Variants in ABCB11 observed in about 807,000 individuals in gnomAD.
ABCB11 encodes the protein ATP binding cassette subfamily B member 11, also known as bile salt export pump.
A neutral mutation model predicts 148.0 loss-of-function variants in ABCB11; 95 were observed. That is an observed-to-expected ratio of 0.64 (90% CI 0.54 to 0.76). The LOEUF (loss-of-function observed/expected upper bound fraction) is 0.76, where lower values mean the gene tolerates loss of function less well. Ranked by LOEUF, ABCB11 falls within the 30% of genes least tolerant of loss-of-function variation. The probability of loss-of-function intolerance (pLI) is 0.00; values close to 1 mark genes in which losing one functional copy is unlikely to be tolerated. For synonymous variants in ABCB11, 591 were observed against 555.4 expected, an observed-to-expected ratio of 1.06 and a Z score of -0.90; for missense variants, 1,523 against 1,617.8, an observed-to-expected ratio of 0.94 and a Z score of 1.01.
chr2:168,936,494 TAC>T, intron 21 of ABCB11, 61 bp from the exon 22 acceptor site: 1 of 1,519,296 alleles, frequency 6.6e-7, no homozygotes, highest in Admixed American at 1.7e-5. Flanking sequence ...CAATTACCAT[TAC>T]ACAAAAAGGT....
At chr2:168,947,385 T>C (rs984616285) in intron 19 of ABCB11, among the ~76,000 whole-genome samples, 2 of 151,472 alleles carry the variant, frequency 1.3e-5, no homozygotes, top group African/African-American at 2.4e-5. Flanking sequence ...TCCCAAGTGC[T>C]GTGCTTGGAA....
intron 19 of ABCB11, among the ~76,000 whole-genome samples, chr2:168,946,102 C>T (rs1692293314): frequency 6.6e-6 from 1 of 151,844 alleles, no homozygotes; most frequent in African/African-American, 2.4e-5. Context: ...AATGACATTG[C>T]CTTGTGGTGA....
chr2:169,012,524 G>T (rs192725202), intron 5 of ABCB11, among the ~76,000 whole-genome samples: 9 of 152,114 alleles, frequency 5.9e-5, no homozygotes, highest in Non-Finnish European at 1.2e-4. Context: ...GCAGGCAGAT[G>T]ACCTGAGGAG....
chr2:168,972,940 C>A (rs1426811433), intron 13 of ABCB11, among the ~76,000 whole-genome samples: 1 of 151,900 alleles, frequency 6.6e-6, no homozygotes, highest in Non-Finnish European at 1.5e-5. Flanking sequence ...GGCCTATGTA[C>A]CTTTGGGGGT....
chr2:168,941,127 T>C (rs1692043588), intron 21 of ABCB11, among the ~76,000 whole-genome samples: 1 of 152,020 alleles, frequency 6.6e-6, no homozygotes, highest in African/African-American at 2.4e-5. Context: ...TAATTTTCAC[T>C]TTGAAGTCTT....
At chr2:168,956,987 G>A (rs929071490) in intron 19 of ABCB11, among the ~76,000 whole-genome samples, 1 of 151,552 alleles carries the variant, frequency 6.6e-6, no homozygotes, top group African/African-American at 2.4e-5. Context: ...CTTATTTCTG[G>A]TGCTTCCCAT....
Position 169,025,916 on chromosome 2 carries a change from C to T in ABCB11, c.-28+5309G>A, listed in dbSNP as rs551627285. ...GTTAGAAAGAACCTGTTACAGAACT[C>T]GGGCTTTAGTCAGATGATTTGGGGA... On this transcript the variant is annotated intron_variant, in intron 1 of 27. Transcript: ENST00000650372. Among the ~76,000 whole-genome samples, 23 of 152,214 alleles carry T rather than the reference C, an allele frequency of 1.5e-4. No homozygotes were observed. In the South Asian group the frequency reaches 3.5e-3, roughly 23 times the overall value.
chr2:169,024,082 A>C (rs1025583312), intron 1 of ABCB11, among the ~76,000 whole-genome samples: 1 of 152,112 alleles, frequency 6.6e-6, no homozygotes, highest in Non-Finnish European at 1.5e-5. Context: ...AAAATAGCTA[A>C]CGCATGCCGG....
At chr2:168,950,431 T>A (rs1692510820) in intron 19 of ABCB11, among the ~76,000 whole-genome samples, 1 of 151,670 alleles carries the variant, frequency 6.6e-6, no homozygotes, top group African/African-American at 2.4e-5. Flanking sequence ...TTTCTCCACA[T>A]CTTTGCTAAC....
At chr2:168,919,244 T>C (rs1238072897), downstream of ABCB11, among the ~76,000 whole-genome samples, 1 of 152,222 alleles carries the variant, frequency 6.6e-6, no homozygotes, top group African/African-American at 2.4e-5. Context: ...AGATGAGTCA[T>C]AAGGTAAAAT....
At position 168,923,755 on chromosome 2, in the gene ABCB11, G is replaced by A; in HGVS notation, c.3833C>T (p.Ser1278Phe). ...RTCIVIAHRL[S>F]TIQNADIIAV... ...AATGATATCCGCGTTCTGGATGGTG[G>A]ACAAGCGATGGGCAATGACAATGCA... The change falls in exon 28 of 28, where the codon TCC becomes TTC. Residue 1278 changes from serine to phenylalanine, a missense_variant. Coordinates refer to ENST00000650372, the MANE Select transcript of ABCB11 (RefSeq NM_003742.4). 1 of 1,613,906 alleles carries A rather than the reference G, an allele frequency of 6.2e-7. No homozygotes were observed. Among genetic ancestry groups the A allele is most frequent in the Non-Finnish European group, 8.5e-7 (1 of 1,179,888 alleles).
At chr2:168,928,416 T>A (rs1691415645) in intron 25 of ABCB11, among the ~76,000 whole-genome samples, 2 of 152,094 alleles carry the variant, frequency 1.3e-5, no homozygotes, top group Non-Finnish European at 2.9e-5. Flanking sequence ...AAATAAATGT[T>A]GAAAATATTG....
chr2:168,927,742 T>A (rs1254946905), intron 25 of ABCB11, among the ~76,000 whole-genome samples: 3 of 152,218 alleles, frequency 2.0e-5, no homozygotes, highest in Non-Finnish European at 4.4e-5. Flanking sequence ...AGGATTTTTC[T>A]CTGTGAAGCT....
intron 21 of ABCB11, among the ~76,000 whole-genome samples, chr2:168,938,171 C>A (rs1031778308): frequency 1.3e-5 from 2 of 152,164 alleles, no homozygotes; most frequent in Non-Finnish European, 2.9e-5. Context: ...TGTCCCAAAG[C>A]ATTCCCATGT....
Position 168,969,534 on chromosome 2 carries a change from T to G in ABCB11, c.1827A>C (p.Thr609=), listed in dbSNP as rs754732963. 3.7e-6 allele frequency: 6 copies of G among 1,612,302 alleles called. No homozygotes were observed. The Admixed American group carries it at 1.0e-4, about 27-fold the overall frequency. ...ACAAGCGATGAGCAACTGAAATGAT[T>G]GTGTGCCCATGCTGAATCTGTAAGA... ...EVLSKIQHGH[T]IISVAHRLST... The change falls in exon 16 of 28, where the codon ACA becomes ACC. Residue 609 remains threonine (T), a synonymous_variant. Transcript: ENST00000650372.
chr2:168,978,256 C>T (rs915336434), intron 11 of ABCB11, among the ~76,000 whole-genome samples: 1 of 150,500 alleles, frequency 6.6e-6, no homozygotes, highest in Non-Finnish European at 1.5e-5. Flanking sequence ...GGCCATCCTC[C>T]CATATCAGCC....
At chr2:168,947,429 G>T (rs35973488) in intron 19 of ABCB11, among the ~76,000 whole-genome samples, 28,054 of 151,384 alleles carry the variant, frequency 0.19, 2,737 homozygotes, top group Non-Finnish European at 0.22. Flanking sequence ...ATGGACACAG[G>T]GAAAGTGAAG....
In ABCB11 at chr2:168,927,233, T is replaced by C. The variant is rs1271662112; in HGVS notation, c.3541A>G (p.Lys1181Glu). The part of the protein sequence containing the change: ...MDNIKYGDNT[K>E]EIPMERVIAA... ...ATGACTCTTTCCATGGGAATTTCTT[T>C]GGTGTTGTCTCCATACTTGATATTG... is the stretch of plus-strand genomic sequence containing the variant. Residue 1181 changes from lysine to glutamate, a missense_variant, in exon 26 of 28, where the codon AAA (lysine) becomes GAA (glutamate). By Grantham distance (56) the Lys-to-Glu change is moderately conservative. Coordinates refer to ENST00000650372, the MANE Select transcript of ABCB11 (RefSeq NM_003742.4). 2 of 1,613,938 alleles carry C rather than the reference T, an allele frequency of 1.2e-6. No individual in the cohort carries two copies. Among genetic ancestry groups the C allele is most frequent in the South Asian group, 2.2e-5 (2 of 91,082 alleles).
chr2:168,938,780 C>T (rs1344702044), intron 21 of ABCB11, among the ~76,000 whole-genome samples: 6 of 151,804 alleles, frequency 4.0e-5, no homozygotes, highest in Non-Finnish European at 7.4e-5. Flanking sequence ...CTTTGCAGCT[C>T]TTTGGGATGT....
Sources: allele counts gnomAD v4.1 joint callset (sites outside exome capture counted in the v4.1 genomes callset), GRCh38; gene constraint gnomAD v4.1.1; transcripts MANE v1.5; gene names NCBI Gene and HGNC (gene_info 2026-07-23, HGNC 2026-07-21).